The following KCNMA1 variants were observed in gnomAD, a reference collection of about 807,000 sequenced individuals.
KCNMA1 encodes the protein potassium calcium-activated channel subfamily M alpha 1, also known as Calcium-activated potassium channel subunit alpha-1.
KCNMA1 carries 29 observed loss-of-function variants against 140.0 expected under a neutral mutation model. The observed-to-expected ratio is 0.21, with a 90% CI of 0.15 to 0.28. The LOEUF is 0.28. Among genes scored for constraint, KCNMA1 ranks in the 10% least tolerant of loss-of-function variants. The pLI is 1.00. For synonymous variants in KCNMA1, 612 were observed against 611.9 expected (o/e 1.00, Z 0.00); for missense variants, 880 against 1,602.2 (o/e 0.55, Z 7.70).
Position 77,106,941 on chromosome 10 carries a change from C to T in KCNMA1, c.1223+1540G>A, listed in dbSNP as rs535570731. Among the ~76,000 whole-genome samples, 8 of 152,276 alleles carry T rather than the reference C, an allele frequency of 5.3e-5. No individual in the cohort carries two copies. The South Asian group carries it at 1.0e-3, about 20-fold the overall frequency. On this transcript the variant is annotated intron_variant, in intron 9 of 27. Transcript: ENST00000286628. The stretch of plus-strand genomic sequence containing the variant: ...GGGATGTGCTGCCTCCCGGAAAAGA[C>T]GCCAACTGGCCTCCTCTGGCCCACT...
At chr10:77,253,199 G>A (rs1348545380) in intron 2 of KCNMA1, among the ~76,000 whole-genome samples, 1 of 152,166 alleles carries the variant, frequency 6.6e-6, no homozygotes, top group Non-Finnish European at 1.5e-5. Context: ...CAAAGAGAAG[G>A]GGTGTGGCCA....
chr10:76,988,584 A>C (rs528359536), intron 19 of KCNMA1, among the ~76,000 whole-genome samples: 83 of 152,178 alleles, frequency 5.5e-4, no homozygotes, highest in Non-Finnish European at 1.0e-4. Context: ...ATCATCAAAA[A>C]AGAAATTTTG....
At chr10:77,332,251 G>T (rs2086728191) in intron 2 of KCNMA1, among the ~76,000 whole-genome samples, 1 of 152,156 alleles carries the variant, frequency 6.6e-6, no homozygotes, top group Non-Finnish European at 1.5e-5. Flanking sequence ...GGGAAAAAAA[G>T]GAGAGAGAGT....
intron 1 of KCNMA1, among the ~76,000 whole-genome samples, chr10:77,481,117 CAAA>C (rs200776955): frequency 6.1e-5 from 8 of 132,138 alleles, no homozygotes; most frequent in Admixed American, 3.9e-4. Flanking sequence ...GACTCCATCT[CAAA>C]AAAAAAAAAA....
chr10:77,120,578 T>C (rs973630492), intron 6 of KCNMA1, among the ~76,000 whole-genome samples: 1 of 152,220 alleles, frequency 6.6e-6, no homozygotes, highest in African/African-American at 2.4e-5. Flanking sequence ...TATTTAGTGA[T>C]GTAATAAAGG....
At chr10:77,425,768 C>T (rs2096973271) in intron 1 of KCNMA1, among the ~76,000 whole-genome samples, 3 of 152,140 alleles carry the variant, frequency 2.0e-5, no homozygotes, top group Admixed American at 2.0e-4. Context: ...GGCAGGAGGA[C>T]ATTTAAAAAT....
chr10:76,952,019 A>G, intron 21 of KCNMA1: 1 of 1,551,004 alleles, frequency 6.4e-7, no homozygotes, highest in Non-Finnish European at 8.7e-7. Flanking sequence ...TTTTCATAGG[A>G]TAGAAGTAGT....
intron 2 of KCNMA1, among the ~76,000 whole-genome samples, chr10:77,258,667 T>C (rs1400686786): frequency 3.9e-5 from 6 of 152,174 alleles, no homozygotes; most frequent in Admixed American, 1.3e-4. Context: ...TGGTTCTCAA[T>C]AGAAGAAGAT....
At chr10:77,435,278 A>G (rs1469220997) in intron 1 of KCNMA1, among the ~76,000 whole-genome samples, 1 of 152,164 alleles carries the variant, frequency 6.6e-6, no homozygotes, top group Non-Finnish European at 1.5e-5. Flanking sequence ...ACATTACCAC[A>G]TGTGAAAAAC....
chr10:77,243,343 G>A (rs1272129726), intron 3 of KCNMA1, among the ~76,000 whole-genome samples: 1 of 152,218 alleles, frequency 6.6e-6, no homozygotes, highest in Non-Finnish European at 1.5e-5. Flanking sequence ...GTCAGCCTGT[G>A]ACTATAGGGA....
intron 1 of KCNMA1, among the ~76,000 whole-genome samples, chr10:77,461,852 C>T (rs2097876005): frequency 6.6e-6 from 1 of 152,172 alleles, no homozygotes; most frequent in Non-Finnish European, 1.5e-5. Flanking sequence ...ACAGATCTTC[C>T]CCAGGGGACA....
chr10:77,071,135 A>T (rs2096192883), intron 14 of KCNMA1: 1 of 152,224 alleles, frequency 6.6e-6, no homozygotes, highest in African/African-American at 2.4e-5. Flanking sequence ...GCTGAGCTGG[A>T]GCGGACATCC....
chr10:77,007,131 T>C (rs2089066595), intron 18 of KCNMA1, among the ~76,000 whole-genome samples: 1 of 152,232 alleles, frequency 6.6e-6, no homozygotes, highest in Non-Finnish European at 1.5e-5. Context: ...CAAAGCTCAA[T>C]GCTGGCCTTA....
Position 77,207,792 on chromosome 10 carries a change from A to G in KCNMA1, c.603-22876T>C, listed in dbSNP as rs185168338. Among the ~76,000 whole-genome samples, 14 of 152,344 alleles carry G rather than the reference A, an allele frequency of 9.2e-5. No individual in the cohort carries two copies. In the East Asian group the frequency reaches 2.7e-3, roughly 29 times the overall value. ...GCCTGTGATGGCCAAAATTGCGTGC[A>G]TACCATAAATGCTTAACTAGGTAAA... On this transcript the variant is annotated intron_variant, in intron 3 of 27. Coordinates refer to ENST00000286628, the MANE Select transcript of KCNMA1 (RefSeq NM_001161352.2).
rs759341616 is a variant in KCNMA1, at chr10:77,121,026, C to G, written c.831G>C (p.Leu277=). The change falls in exon 6 of 28, where the codon CTG becomes CTC. Residue 277 remains leucine (L), a synonymous_variant. Transcript: ENST00000286628. The part of the protein sequence containing the change: ...SWLGLRFLRA[L]RLIQFSEILQ... The stretch of plus-strand genomic sequence containing the variant: ...AAATTTCTGAAAACTGTATCAGTCT[C>G]AGAGCTCTTAAAAATCTCAAACCTG... 4 of 1,599,628 alleles carry G rather than the reference C, an allele frequency of 2.5e-6. No homozygotes were observed. The highest frequency in any genetic ancestry group is 3.4e-6 in the Non-Finnish European group (4 of 1,168,612).
At chr10:77,051,574 T>C (rs2095366345) in intron 14 of KCNMA1, among the ~76,000 whole-genome samples, 1 of 152,190 alleles carries the variant, frequency 6.6e-6, no homozygotes, top group South Asian at 2.1e-4. Context: ...AAAAAGACAT[T>C]TGGTTCAGAG....
intron 19 of KCNMA1, chr10:76,995,255 ACAATGTAGATTCATAGGAGG>A (rs1466463744): frequency 3.2e-5 from 6 of 185,726 alleles, no homozygotes; most frequent in Middle Eastern, 2.4e-3. Context: ...GATAATGAAT[ACAATGTAGATTCATAGGAGG>A]CATTTACATT....
At chr10:77,244,679 A>G (rs2058154857) in intron 3 of KCNMA1, among the ~76,000 whole-genome samples, 1 of 152,216 alleles carries the variant, frequency 6.6e-6, no homozygotes, top group South Asian at 2.1e-4. Context: ...TGTCTTCTCT[A>G]CCAGGCTTTC....
chr10:77,452,220 C>T (rs935521550), intron 1 of KCNMA1, among the ~76,000 whole-genome samples: 14 of 152,172 alleles, frequency 9.2e-5, no homozygotes, highest in African/African-American at 3.4e-4. Flanking sequence ...TAAGACTGGC[C>T]ATGCCTCCTG....
Sources: gnomAD v4.1 joint callset for allele counts (sites outside exome capture counted in the v4.1 genomes callset) on GRCh38, gnomAD v4.1.1 for gene constraint, MANE v1.5 for transcripts, NCBI Gene and HGNC (gene_info 2026-07-23, HGNC 2026-07-21) for gene names.